Variants in PTPN2 observed in about 807,000 individuals in gnomAD.
PTPN2 encodes tyrosine-protein phosphatase non-receptor type 2.
A neutral mutation model predicts 57.3 loss-of-function variants in PTPN2; 19 were observed. That is an observed-to-expected ratio of 0.33 (90% CI 0.23 to 0.49). The LOEUF (loss-of-function observed/expected upper bound fraction) is 0.49, where lower values mean the gene tolerates loss of function less well. Among genes scored for constraint, PTPN2 ranks in the 20% least tolerant of loss-of-function variants. The pLI is 0.99. For missense variants in PTPN2, 358 were observed against 501.1 expected, an observed-to-expected ratio of 0.71 and a Z score of 2.73; for synonymous variants, 153 against 164.9, an observed-to-expected ratio of 0.93 and a Z score of 0.55.
intron 2 of PTPN2, chr18:12,840,649 C>T: frequency 6.4e-7 from 1 of 1,554,702 alleles, no homozygotes; most frequent in Non-Finnish European, 8.7e-7. Context: ...GAAGTCAAGT[C>T]ATCACAAGTG....
intron 1 of PTPN2, among the ~76,000 whole-genome samples, chr18:12,881,791 C>G (rs903206073): frequency 3.3e-5 from 5 of 152,208 alleles, no homozygotes; most frequent in African/African-American, 1.2e-4. Context: ...CTCAACTCCA[C>G]AAGACCCTGT....
At position 12,868,173 on chromosome 18, in the gene PTPN2, T is replaced by A. The variant is rs1470854723; in HGVS notation, c.70-8919A>T. 1.3e-5 allele frequency among the ~76,000 whole-genome samples: 2 copies of A among 152,230 alleles called. 1 individual carries two copies. The highest frequency in any genetic ancestry group is 2.9e-5 in the Non-Finnish European group (2 of 68,028). The stretch of plus-strand genomic sequence containing the variant: ...AAATCAGAAAACAACAACAAAAGCT[T>A]CCAGTGCATGGGATTACAAGACCTT... On this transcript the variant is annotated intron_variant, in intron 1 of 8. Transcript: ENST00000309660.
At chr18:12,815,039 G>T (rs1420631491) in intron 6 of PTPN2, among the ~76,000 whole-genome samples, 5 of 151,586 alleles carry the variant, frequency 3.3e-5, no homozygotes, top group Non-Finnish European at 5.9e-5. Flanking sequence ...AGGTCAGATA[G>T]TGCCACTATA....
downstream of PTPN2, among the ~76,000 whole-genome samples, chr18:12,791,051 A>G (rs1056336036): frequency 3.3e-5 from 5 of 152,240 alleles, no homozygotes; most frequent in Non-Finnish European, 5.9e-5. Flanking sequence ...AATGCAGAAA[A>G]TGGGTATTTT....
intron 7 of PTPN2, among the ~76,000 whole-genome samples, chr18:12,804,289 C>CAA (rs59927276): frequency 0.069 from 4,681 of 67,448 alleles, 357 homozygotes; most frequent in African/African-American, 0.14. Context: ...GAAACTGTCT[C>CAA]AAAAAAAAAA....
chr18:12,794,500 AAAC>A lies in PTPN2; in HGVS notation c.1041-18_1041-16del. 1 of 1,610,034 alleles carries A rather than the reference AAAC, an allele frequency of 6.2e-7. No homozygotes were observed. The highest frequency in any genetic ancestry group is 8.5e-7 in the Non-Finnish European group (1 of 1,179,826). ...TCCGTAGAGCACTATGAGGAAATAAAAACAAGTGAAAGGAAGTGCACACAGAGC... is the reference window on the plus strand; with the variant it reads ...TCCGTAGAGCACTATGAGGAAATAAAAAGTGAAAGGAAGTGCACACAGAGC... On this transcript the variant is annotated splice_polypyrimidine_tract_variant and intron_variant, in intron 8 of 8. Coordinates refer to ENST00000309660, the MANE Select transcript of PTPN2 (RefSeq NM_002828.4).
chr18:12,882,518 T>C (rs1217429589), intron 1 of PTPN2, among the ~76,000 whole-genome samples: 1 of 152,204 alleles, frequency 6.6e-6, no homozygotes, highest in Non-Finnish European at 1.5e-5. Context: ...TTTTCTCTTT[T>C]CAAATCTATT....
At chr18:12,817,646 A>AT (rs1303462225) in intron 5 of PTPN2, among the ~76,000 whole-genome samples, 1 of 152,220 alleles carries the variant, frequency 6.6e-6, no homozygotes, top group East Asian at 1.9e-4. Flanking sequence ...CAATAATCCT[A>AT]TTAAAGCCCA....
chr18:12,829,283 A>G (rs1401476093), intron 4 of PTPN2, among the ~76,000 whole-genome samples: 1 of 152,072 alleles, frequency 6.6e-6, no homozygotes, highest in African/African-American at 2.4e-5. Flanking sequence ...TGGGAGGCCG[A>G]GGTGGGCGTA....
intron 5 of PTPN2, 49 bp downstream of exon 5, chr18:12,825,761 C>G (rs757853662): frequency 2.6e-5 from 39 of 1,528,190 alleles, no homozygotes; most frequent in Non-Finnish European, 2.9e-5. Context: ...AAGAATAATT[C>G]TTTAAACCAT....
intron 1 of PTPN2, among the ~76,000 whole-genome samples, chr18:12,866,211 G>T (rs2145495828): frequency 6.6e-6 from 1 of 151,440 alleles, no homozygotes; most frequent in Non-Finnish European, 1.5e-5. Flanking sequence ...GGCCGAGGCA[G>T]GTGGATCACG....
intron 2 of PTPN2, among the ~76,000 whole-genome samples, chr18:12,847,834 G>A (rs1291827315): frequency 6.6e-6 from 1 of 150,468 alleles, no homozygotes; most frequent in Non-Finnish European, 1.5e-5. Flanking sequence ...GTTGACCTCA[G>A]GTGATCCACC....
At chr18:12,803,592 T>C (rs1033841584) in intron 7 of PTPN2, among the ~76,000 whole-genome samples, 1 of 151,722 alleles carries the variant, frequency 6.6e-6, no homozygotes, top group Non-Finnish European at 1.5e-5. Flanking sequence ...AGAAGAGGAG[T>C]AGCTATATTT....
chr18:12,878,438 G>A (rs1468774291), intron 1 of PTPN2, among the ~76,000 whole-genome samples: 1 of 152,116 alleles, frequency 6.6e-6, no homozygotes, highest in African/African-American at 2.4e-5. Flanking sequence ...GGGAGGCCGA[G>A]GCAGGTGGAT....
At chr18:12,827,127 A>G (rs1267753795) in intron 4 of PTPN2, among the ~76,000 whole-genome samples, 9 of 151,574 alleles carry the variant, frequency 5.9e-5, no homozygotes, top group Non-Finnish European at 1.2e-4. Flanking sequence ...GCGGATCATG[A>G]GGTCAGGAGA....
chr18:12,841,457 C>T (rs1478649487), intron 2 of PTPN2, among the ~76,000 whole-genome samples: 1 of 152,198 alleles, frequency 6.6e-6, no homozygotes, highest in Non-Finnish European at 1.5e-5. Flanking sequence ...CAACTTCATA[C>T]ACCAATACAC....
At chr18:12,837,289 C>T (rs1031578347) in intron 2 of PTPN2, among the ~76,000 whole-genome samples, 9 of 152,030 alleles carry the variant, frequency 5.9e-5, no homozygotes, top group Admixed American at 3.9e-4. Context: ...ACTAGATTTC[C>T]GAGGTTACTA....
chr18:12,869,825 TATG>T (rs1272956219), intron 1 of PTPN2, among the ~76,000 whole-genome samples: 1 of 152,194 alleles, frequency 6.6e-6, no homozygotes, highest in African/African-American at 2.4e-5. Context: ...TCCTAAATTA[TATG>T]ATGAAAAGTG....
intron 2 of PTPN2, among the ~76,000 whole-genome samples, chr18:12,850,770 G>A (rs574438004): frequency 2.7e-4 from 41 of 150,984 alleles, no homozygotes; most frequent in Admixed American, 9.2e-4. Flanking sequence ...ACAGAGTTTC[G>A]CTCTCGTTGC....
Sources: allele counts gnomAD v4.1 joint callset (sites outside exome capture counted in the v4.1 genomes callset), GRCh38; gene constraint gnomAD v4.1.1; transcripts MANE v1.5; gene names NCBI Gene and HGNC (gene_info 2026-07-23, HGNC 2026-07-21).